The following CDH7 variants were observed in gnomAD, a reference collection of about 807,000 sequenced individuals.
CDH7 encodes the protein cadherin 7.
Under a neutral mutation model 71.8 loss-of-function variants are expected in CDH7, and 25 were observed. The observed-to-expected ratio is 0.35, with a 90% CI of 0.25 to 0.49. CDH7 has a LOEUF of 0.49. Among genes scored for constraint, CDH7 ranks in the 20% least tolerant of loss-of-function variants. CDH7 has a pLI of 0.99. For synonymous variants in CDH7, 381 were observed against 363.8 expected, an observed-to-expected ratio of 1.05 and a Z score of -0.54; for missense variants, 862 against 974.6, an observed-to-expected ratio of 0.88 and a Z score of 1.54.
At chr18:65,819,911 A>G (rs1207271522) in intron 4 of CDH7, among the ~76,000 whole-genome samples, 1 of 150,632 alleles carries the variant, frequency 6.6e-6, no homozygotes, top group Non-Finnish European at 1.5e-5. Context: ...AAGCCTGAAT[A>G]TGCAGAACCC....
intron 2 of CDH7, among the ~76,000 whole-genome samples, chr18:65,765,731 T>C (rs1469905657): frequency 6.6e-6 from 1 of 152,138 alleles, no homozygotes; most frequent in African/African-American, 2.4e-5. Flanking sequence ...ATTTTGTACC[T>C]TAACTTGATC....
intron 11 of CDH7, among the ~76,000 whole-genome samples, chr18:65,878,888 G>A (rs1156996689): frequency 6.6e-6 from 1 of 152,162 alleles, no homozygotes; most frequent in African/African-American, 2.4e-5. Flanking sequence ...TAAAGCTTAT[G>A]AGAAGAGCAG....
chr18:65,847,022 T>TA (rs1912957149), intron 7 of CDH7, among the ~76,000 whole-genome samples: 1 of 27,864 alleles, frequency 3.6e-5, no homozygotes, highest in South Asian at 0.015. Flanking sequence ...TTGCAGGTTG[T>TA]CTTGTACTCA....
chr18:65,819,809 A>C (rs1188968210), intron 4 of CDH7, among the ~76,000 whole-genome samples: 1 of 151,394 alleles, frequency 6.6e-6, no homozygotes, highest in Admixed American at 6.6e-5. Context: ...GAACAATCCT[A>C]AAGGGTTGAG....
chr18:65,849,708 C>T (rs139142533), intron 7 of CDH7, among the ~76,000 whole-genome samples: 1,595 of 151,962 alleles, frequency 0.01, 24 homozygotes, highest in South Asian at 0.057. Flanking sequence ...CCACCACCCC[C>T]GGCCCATTTT....
At chr18:65,815,078 CA>C (rs1276672362) in intron 4 of CDH7, among the ~76,000 whole-genome samples, 1 of 152,036 alleles carries the variant, frequency 6.6e-6, no homozygotes, top group African/African-American at 2.4e-5. Context: ...TCTGCCAAAT[CA>C]AAAACTAAAC....
At position 65,816,821 on chromosome 18, in the gene CDH7, C is replaced by CTTTA. The variant is rs534390771; in HGVS notation, c.625+2217_625+2218insTTTA. 2.2e-3 allele frequency among the ~76,000 whole-genome samples: 336 copies of CTTTA among 152,236 alleles called. 4 individuals are homozygous for CTTTA. Among genetic ancestry groups the CTTTA allele is most frequent in the African/African-American group, 7.9e-3 (329 of 41,528 alleles). On this transcript the variant is annotated intron_variant, in intron 4 of 11. Transcript: ENST00000397968. The stretch of plus-strand genomic sequence containing the variant: ...CTGGAAACAAGGTAAAGCAACATTC[C>CTTTA]CTTGAAACTTCTCACCACCTAATTT...
At chr18:65,772,404 C>A (rs965309560) in intron 2 of CDH7, among the ~76,000 whole-genome samples, 1 of 152,102 alleles carries the variant, frequency 6.6e-6, no homozygotes, top group African/African-American at 2.4e-5. Context: ...CTATCCCTGA[C>A]GCAGTTTACA....
chr18:65,852,363 A>G (rs921991619), intron 7 of CDH7, among the ~76,000 whole-genome samples: 2 of 152,174 alleles, frequency 1.3e-5, no homozygotes, highest in East Asian at 3.8e-4. Context: ...GTGCTTGGCT[A>G]GTAGCAGCAA....
chr18:65,781,647 C>T (rs1231681745), intron 2 of CDH7, among the ~76,000 whole-genome samples: 1 of 151,926 alleles, frequency 6.6e-6, no homozygotes, highest in Non-Finnish European at 1.5e-5. Flanking sequence ...CATTCTATTC[C>T]TTTTTTAAAA....
chr18:65,859,533 T>C (rs979481050), intron 9 of CDH7, among the ~76,000 whole-genome samples, 175 bp from the exon 10 acceptor site: 10 of 152,238 alleles, frequency 6.6e-5, no homozygotes, highest in African/African-American at 2.4e-4. Flanking sequence ...ATGACATGAT[T>C]TGTTTTTCAG....
chr18:65,815,255 T>C (rs892650782), intron 4 of CDH7, among the ~76,000 whole-genome samples: 1 of 152,166 alleles, frequency 6.6e-6, no homozygotes, highest in African/African-American at 2.4e-5. Flanking sequence ...TTAATTGATA[T>C]TTTAATGTAT....
At chr18:65,855,458 C>G (rs779013006) in intron 7 of CDH7, among the ~76,000 whole-genome samples, 1 of 151,772 alleles carries the variant, frequency 6.6e-6, no homozygotes, top group Non-Finnish European at 1.5e-5. Flanking sequence ...AACAAATCTA[C>G]TGACATAAGT....
chr18:65,853,866 T>A (rs560072864), intron 7 of CDH7, among the ~76,000 whole-genome samples: 3 of 133,820 alleles, frequency 2.2e-5, no homozygotes, highest in South Asian at 4.7e-4. Context: ...CATAAATGAA[T>A]AAATGGAAGA....
chr18:65,762,532 A>G (rs7243911), intron 1 of CDH7, 115 bp from the exon 2 acceptor site: 4,394 of 169,998 alleles, frequency 0.026, 196 homozygotes, highest in African/African-American at 0.096. Context: ...TGATATTTGT[A>G]TAATCTTGGA....
chr18:65,752,763 G>C (rs1915920980), intron 1 of CDH7, among the ~76,000 whole-genome samples: 1 of 152,196 alleles, frequency 6.6e-6, no homozygotes. Flanking sequence ...ATCTGGGAAA[G>C]CTAGCCGAGT....
At chr18:65,801,853 C>G (rs1911136336) in intron 2 of CDH7, among the ~76,000 whole-genome samples, 1 of 152,166 alleles carries the variant, frequency 6.6e-6, no homozygotes, top group Non-Finnish European at 1.5e-5. Context: ...ATTTCCATTG[C>G]TTTAGCTGTT....
At chr18:65,771,231 A>G (rs1162897908) in intron 2 of CDH7, among the ~76,000 whole-genome samples, 1 of 152,162 alleles carries the variant, frequency 6.6e-6, no homozygotes, top group East Asian at 1.9e-4. Flanking sequence ...GTTCATAGCA[A>G]ATACCTAAAT....
chr18:65,888,745 ACACACACACACACACACACT>A lies in CDH7; in HGVS notation c.*7863_*7882del, dbSNP rs1047379951. The A allele has an allele frequency of 2.0e-5, 3 of 151,016 alleles. No individual in the cohort carries two copies. The highest frequency in any genetic ancestry group is 7.3e-5 in the African/African-American group (3 of 41,112). 9.4% of individuals were successfully genotyped at this position (151,016 alleles called of 1,614,324 possible). Reference sequence around the variant, plus strand: ...CAGAATAACTGTAACTTATGCAAACACACACACACACACACACACTCACACACACACGAAGTAAATGGTAG... The same window carrying A: ...CAGAATAACTGTAACTTATGCAAACACACACACACACGAAGTAAATGGTAG... On this transcript the variant is annotated 3_prime_UTR_variant, in exon 12 of 12. Transcript: ENST00000397968.
Sources: allele counts gnomAD v4.1 joint callset (sites outside exome capture counted in the v4.1 genomes callset), GRCh38; gene constraint gnomAD v4.1.1; transcripts MANE v1.5; gene names NCBI Gene and HGNC (gene_info 2026-07-23, HGNC 2026-07-21).